SYT2: variants seen among roughly 807,000 people sequenced by gnomAD.
The protein encoded by SYT2 is synaptotagmin 2.
SYT2 carries 15 observed loss-of-function variants against 39.9 expected under a neutral mutation model. The observed-to-expected ratio is 0.38, with a 90% CI of 0.25 to 0.58. The LOEUF is 0.58. SYT2 is among the 20% of genes least tolerant of loss of function. SYT2 has a pLI of 0.70. For synonymous variants in SYT2, 181 were observed against 204.5 expected, an observed-to-expected ratio of 0.89 and a Z score of 0.98; for missense variants, 389 against 530.3, an observed-to-expected ratio of 0.73 and a Z score of 2.62.
At chr1:202,670,166 T>C (rs1296142140) in intron 1 of SYT2, among the ~76,000 whole-genome samples, 1 of 152,104 alleles carries the variant, frequency 6.6e-6, no homozygotes, top group African/African-American at 2.4e-5. Flanking sequence ...TTTAGGGCAA[T>C]GCAGGAATGT....
chr1:202,632,012 G>A, intron 1 of SYT2: 1 of 985,158 alleles, frequency 1.0e-6, no homozygotes, highest in Non-Finnish European at 1.2e-6. Flanking sequence ...TGCCAATTAT[G>A]TGAGGACCAC....
chr1:202,674,344 C>T (rs547276460), intron 1 of SYT2, among the ~76,000 whole-genome samples: 3 of 152,212 alleles, frequency 2.0e-5, no homozygotes, highest in South Asian at 4.1e-4. Context: ...TCAGTTAATC[C>T]GCCCACCTCA....
chr1:202,688,742 G>A (rs1431015160), intron 1 of SYT2, among the ~76,000 whole-genome samples: 4 of 152,344 alleles, frequency 2.6e-5, no homozygotes, highest in Admixed American at 1.3e-4. Context: ...ATGGTGGAAG[G>A]AGCTTGTGAA....
At chr1:202,626,144 G>C (rs536931823) in intron 1 of SYT2, among the ~76,000 whole-genome samples, 56 of 152,252 alleles carry the variant, frequency 3.7e-4, no homozygotes, top group Non-Finnish European at 7.5e-4. Context: ...TGGGGTGATA[G>C]CTACAGGCCC....
intron 1 of SYT2, among the ~76,000 whole-genome samples, chr1:202,665,647 C>A (rs1274959403): frequency 6.6e-6 from 1 of 152,190 alleles, no homozygotes; most frequent in Non-Finnish European, 1.5e-5. Context: ...TTCCATACTT[C>A]CTCATTTTCT....
chr1:202,603,086 C>T lies in SYT2; in HGVS notation c.378G>A (p.Glu126=). 1 of 1,614,180 alleles carries T rather than the reference C, an allele frequency of 6.2e-7. No homozygotes were observed. Residue 126 remains glutamate, a synonymous_variant, in exon 4 of 9, where the codon GAG becomes GAA. Coordinates refer to ENST00000367268, the MANE Select transcript of SYT2 (RefSeq NM_177402.5). ...DDDDAETGLT[E]GEGEGEEEKE... is the part of the protein sequence containing the mutation. Reference sequence around the variant, plus strand: ...TCTCCTCCTCCCCTTCACCTTCCCCCTCAGTCAGGCCTGTCTCTGCGTCGT... The same window carrying T: ...TCTCCTCCTCCCCTTCACCTTCCCCTTCAGTCAGGCCTGTCTCTGCGTCGT...
At chr1:202,620,465 C>A (rs75980555) in intron 1 of SYT2, among the ~76,000 whole-genome samples, 2 of 150,632 alleles carry the variant, frequency 1.3e-5, no homozygotes, top group Admixed American at 6.6e-5. Context: ...TTTATCTTAT[C>A]CTTTTTTTTT....
Position 202,604,541 on chromosome 1 carries a change from A to G in SYT2, c.259T>C (p.Cys87Arg). 6.2e-7 allele frequency: 1 copy of G among 1,614,098 alleles called. No homozygotes were observed. The highest frequency in any genetic ancestry group is 8.5e-7 in the Non-Finnish European group (1 of 1,180,032). The part of the protein sequence containing the change: ...LTCCFCICKK[C>R]CCKKKKNKKE... Reference sequence around the variant, plus strand: ...TTGTTCTTCTTCTTCTTGCAGCAGCATTTCTTGCAGATGCAGAAGCAGCAG... The same window carrying G: ...TTGTTCTTCTTCTTCTTGCAGCAGCGTTTCTTGCAGATGCAGAAGCAGCAG... The change falls in exon 3 of 9, where the codon TGC becomes CGC. Residue 87 changes from cysteine (C) to arginine (R), a missense_variant. Cys to Arg is a radical substitution (Grantham distance 180). Around this residue, in one of 4 missense-constraint regions of SYT2, gnomAD observed 280 missense variants for 335.6 expected, o/e 0.83. Coordinates refer to ENST00000367268, the MANE Select transcript of SYT2 (RefSeq NM_177402.5).
At chr1:202,656,190 T>C (rs1692274872) in intron 1 of SYT2, among the ~76,000 whole-genome samples, 1 of 151,856 alleles carries the variant, frequency 6.6e-6, no homozygotes, top group Admixed American at 6.6e-5. Flanking sequence ...GCACAAACGC[T>C]CACATGCTCC....
At chr1:202,637,492 T>G (rs563367046) in intron 1 of SYT2, among the ~76,000 whole-genome samples, 6 of 152,334 alleles carry the variant, frequency 3.9e-5, no homozygotes, top group Non-Finnish European at 8.8e-5. Flanking sequence ...AGGCGCCATG[T>G]GCTGGGGGTG....
At position 202,617,386 on chromosome 1, in the gene SYT2, T is replaced by C. The variant is rs909534706; in HGVS notation, c.-17-11597A>G. 3.3e-5 allele frequency among the ~76,000 whole-genome samples: 5 copies of C among 152,018 alleles called. No homozygotes were observed. In the South Asian group the frequency reaches 6.2e-4, roughly 19 times the overall value. On this transcript the variant is annotated intron_variant, in intron 1 of 8. Coordinates refer to ENST00000367268, the MANE Select transcript of SYT2 (RefSeq NM_177402.5). Reference sequence around the variant, plus strand: ...GTAGCACCCCCCAACCCCCACTCCCTCGCCTCTTCCTCCTGCTCTGGCCAT... The same window carrying C: ...GTAGCACCCCCCAACCCCCACTCCCCCGCCTCTTCCTCCTGCTCTGGCCAT...
At chr1:202,639,278 C>T (rs1330406913) in intron 1 of SYT2, among the ~76,000 whole-genome samples, 1 of 152,172 alleles carries the variant, frequency 6.6e-6, no homozygotes, top group African/African-American at 2.4e-5. Context: ...CCTATCAGGA[C>T]CCATGTCCTT....
intron 1 of SYT2, among the ~76,000 whole-genome samples, chr1:202,697,049 T>A (rs1653990556): frequency 6.6e-6 from 1 of 152,132 alleles, no homozygotes; most frequent in Admixed American, 6.5e-5. Context: ...ACAGCCCCTA[T>A]CAATGCTGCC....
intron 1 of SYT2, chr1:202,632,901 A>G (rs1691636282): frequency 6.6e-6 from 1 of 152,206 alleles, no homozygotes; most frequent in Non-Finnish European, 1.5e-5. Context: ...AGACGCTACA[A>G]ATTCCCACCA....
intron 1 of SYT2, among the ~76,000 whole-genome samples, chr1:202,678,831 A>C (rs1178126717): frequency 6.6e-6 from 1 of 152,112 alleles, no homozygotes; most frequent in Non-Finnish European, 1.5e-5. Context: ...TCTTCTTCCC[A>C]ATACAGACGT....
chr1:202,646,689 T>C (rs781630774), intron 1 of SYT2, among the ~76,000 whole-genome samples: 3 of 152,222 alleles, frequency 2.0e-5, no homozygotes, highest in African/African-American at 4.8e-5. Flanking sequence ...GGATAATGTA[T>C]ATAGAGAGAC....
chr1:202,604,818 C>CTTTTTTTTTTTTTTTTTTTT (rs59944538), intron 2 of SYT2, among the ~76,000 whole-genome samples, 197 bp from the exon 3 acceptor site: 1 of 71,682 alleles, frequency 1.4e-5, no homozygotes, highest in Non-Finnish European at 2.5e-5. Flanking sequence ...TCATGCCTTG[C>CTTTTTTTTTTTTTTTTTTTT]TTTTTTTTTT....
At chr1:202,630,035 G>A (rs1020854620) in intron 1 of SYT2, among the ~76,000 whole-genome samples, 11 of 152,102 alleles carry the variant, frequency 7.2e-5, no homozygotes, top group African/African-American at 2.4e-4. Flanking sequence ...AGAAAGCCAG[G>A]GAGATTGAGA....
chr1:202,605,519 A>T, intron 2 of SYT2, 76 bp downstream of exon 2: 4 of 1,399,132 alleles, frequency 2.9e-6, no homozygotes, highest in Non-Finnish European at 4.0e-6. Context: ...ATCACATCCC[A>T]GTGGTATCCC....
Sources: allele counts gnomAD v4.1 joint callset (sites outside exome capture counted in the v4.1 genomes callset), GRCh38; gene constraint gnomAD v4.1.1; regional missense constraint gnomAD v4.1.1; transcripts MANE v1.5; gene names NCBI Gene and HGNC (gene_info 2026-07-23, HGNC 2026-07-21).